The following SUGCT variants were observed in gnomAD, a reference collection of about 807,000 sequenced individuals.
SUGCT encodes succinyl-CoA:glutarate-CoA transferase.
Under a neutral mutation model 55.0 loss-of-function variants are expected in SUGCT, and 41 were observed. That is an observed-to-expected ratio of 0.74 (90% CI 0.58 to 0.97). SUGCT has a LOEUF of 0.97. Ranked by LOEUF, SUGCT falls within the 50% of genes least tolerant of loss-of-function variation. The pLI is 0.00. For synonymous variants in SUGCT, 187 were observed against 200.4 expected (o/e 0.93, Z 0.56); for missense variants, 568 against 547.8 (o/e 1.04, Z -0.37).
At chr7:40,466,682 T>G (rs1790126880) in intron 11 of SUGCT, among the ~76,000 whole-genome samples, 1 of 152,144 alleles carries the variant, frequency 6.6e-6, no homozygotes, top group Admixed American at 6.5e-5. Flanking sequence ...GTGGCAGAAC[T>G]GACCAAAGGG....
chr7:40,860,173 C>G, intron 13 of SUGCT, 143 bp from the exon 14 acceptor site: 1 of 962,950 alleles, frequency 1.0e-6, no homozygotes, highest in Non-Finnish European at 1.6e-6. Context: ...CGTTTATTTC[C>G]AAAACGTTGA....
chr7:40,468,806 T>A (rs943531945), intron 11 of SUGCT, among the ~76,000 whole-genome samples: 1 of 152,206 alleles, frequency 6.6e-6, no homozygotes, highest in Non-Finnish European at 1.5e-5. Context: ...CTCTGATTCC[T>A]TAGTGTAAAT....
intron 6 of SUGCT, among the ~76,000 whole-genome samples, chr7:40,213,873 T>C (rs958897887): frequency 2.6e-5 from 4 of 152,204 alleles, no homozygotes; most frequent in Non-Finnish European, 5.9e-5. Context: ...CATGCCTCTA[T>C]CCTTTCAAGA....
At chr7:40,895,464 T>G in the SUGCT span, among the ~76,000 whole-genome samples, 9 of 152,228 alleles carry the variant, frequency 5.9e-5, no homozygotes, top group Middle Eastern at 3.4e-3. Flanking sequence ...ACCCTGAACC[T>G]AAACAAAAAA....
At chr7:40,314,524 G>A (rs934125780) in intron 8 of SUGCT, among the ~76,000 whole-genome samples, 15 of 148,754 alleles carry the variant, frequency 1.0e-4, no homozygotes, top group Non-Finnish European at 2.2e-4. Context: ...AGGAAGGGGT[G>A]TCAAGGGAAA....
intron 9 of SUGCT, among the ~76,000 whole-genome samples, chr7:40,445,614 T>C (rs916064410): frequency 1.3e-5 from 2 of 151,878 alleles, no homozygotes; most frequent in Non-Finnish European, 2.9e-5. Flanking sequence ...TCCAAACAAT[T>C]GAAAAAGAGG....
intron 7 of SUGCT, among the ~76,000 whole-genome samples, chr7:40,273,042 T>C (rs1792202890): frequency 6.6e-6 from 1 of 152,168 alleles, no homozygotes; most frequent in Admixed American, 6.6e-5. Flanking sequence ...AGGGTCAATG[T>C]AACTTTGAAC....
chr7:40,443,839 G>T (rs1030139952), intron 9 of SUGCT, among the ~76,000 whole-genome samples: 15 of 152,012 alleles, frequency 9.9e-5, no homozygotes, highest in Non-Finnish European at 1.9e-4. Context: ...TTTCTTCTAG[G>T]GTTTTTATGG....
At chr7:40,592,999 A>T (rs997984796) in intron 12 of SUGCT, among the ~76,000 whole-genome samples, 1 of 152,234 alleles carries the variant, frequency 6.6e-6, no homozygotes, top group Non-Finnish European at 1.5e-5. Flanking sequence ...AGTAAGTGCC[A>T]GGTGATCGAA....
chr7:40,352,236 C>G (rs1381522295), intron 9 of SUGCT, among the ~76,000 whole-genome samples: 1 of 151,998 alleles, frequency 6.6e-6, no homozygotes, highest in Non-Finnish European at 1.5e-5. Context: ...GTTTTGCATG[C>G]ATTTGTGTGT....
At chr7:40,881,603 G>A in the SUGCT span, among the ~76,000 whole-genome samples, 1 of 152,216 alleles carries the variant, frequency 6.6e-6, no homozygotes, top group Non-Finnish European at 1.5e-5. Flanking sequence ...AGAGGACATT[G>A]TTAAGCCCTT....
At chr7:40,183,489 A>G (rs748523750) in intron 3 of SUGCT, among the ~76,000 whole-genome samples, 5 of 152,088 alleles carry the variant, frequency 3.3e-5, no homozygotes, top group African/African-American at 4.8e-5. Flanking sequence ...ACAGGCATGT[A>G]CCACCATGCC....
At chr7:40,319,853 C>T (rs1219838447) in intron 9 of SUGCT, among the ~76,000 whole-genome samples, 2 of 152,098 alleles carry the variant, frequency 1.3e-5, no homozygotes, top group African/African-American at 4.8e-5. Context: ...GACTGGTTCT[C>T]ACTTTGTTGT....
At chr7:40,425,813 G>C (rs1787557710) in intron 9 of SUGCT, among the ~76,000 whole-genome samples, 1 of 152,048 alleles carries the variant, frequency 6.6e-6, no homozygotes, top group South Asian at 2.1e-4. Context: ...GTATCTGGTG[G>C]GGTTCCAAGT....
rs139711835 is a variant in SUGCT at position 40,153,421 on chromosome 7, C to T, written c.100+18301C>T. 2.2e-3 allele frequency: 794 copies of T among 366,514 alleles called. 8 individuals carry two copies. Among genetic ancestry groups the T allele is most frequent in the African/African-American group, 0.016 (735 of 46,514 alleles). The allele number at this position is 366,514 out of a possible 1,614,324, so 22.7% of individuals were successfully genotyped here. A position where few individuals can be genotyped will look rare whatever the true frequency, so the allele number is the denominator to read the frequency against. On this transcript the variant is annotated intron_variant, in intron 1 of 13. Coordinates refer to ENST00000335693, the MANE Select transcript of SUGCT (RefSeq NM_001193313.2). ...GGCCGACATGACCAATTTGATGTTG[C>T]GATTCTTTTGAATATCCATGATAAT... is the stretch of plus-strand genomic sequence containing the variant.
At chr7:40,159,374 G>A (rs910256897) in intron 1 of SUGCT, among the ~76,000 whole-genome samples, 4 of 151,724 alleles carry the variant, frequency 2.6e-5, no homozygotes, top group Admixed American at 6.6e-5. Context: ...AATTGTTGTC[G>A]TTGTTTGTTT....
At chr7:40,835,505 C>T (rs1215762725) in intron 13 of SUGCT, among the ~76,000 whole-genome samples, 1 of 152,186 alleles carries the variant, frequency 6.6e-6, no homozygotes, top group Non-Finnish European at 1.5e-5. Flanking sequence ...CTAGTGCTCT[C>T]CTTCTGGCAA....
chr7:40,858,104 C>T (rs967823699), intron 13 of SUGCT, among the ~76,000 whole-genome samples: 8 of 152,172 alleles, frequency 5.3e-5, no homozygotes, highest in South Asian at 2.1e-4. Flanking sequence ...TCTACCCAAA[C>T]GACAGGACCG....
chr7:40,140,630 A>T (rs750665295), intron 1 of SUGCT, among the ~76,000 whole-genome samples: 3 of 151,578 alleles, frequency 2.0e-5, no homozygotes, highest in Non-Finnish European at 2.9e-5. Flanking sequence ...TGAACTCCTG[A>T]CCTCATGATC....
Sources: allele counts gnomAD v4.1 joint callset (sites outside exome capture counted in the v4.1 genomes callset), GRCh38; gene constraint gnomAD v4.1.1; transcripts MANE v1.5; gene names NCBI Gene and HGNC (gene_info 2026-07-23, HGNC 2026-07-21).